Variants in NCOR2 observed in about 807,000 individuals in gnomAD.
NCOR2 encodes CTG repeat protein 26.
In NCOR2, 81 loss-of-function variants were observed where a neutral mutation model predicts 262.9. The observed-to-expected ratio is 0.31, with a 90% CI of 0.26 to 0.37. The LOEUF is 0.37. NCOR2 is among the 10% of genes least tolerant of loss of function. The pLI is 1.00. For missense variants in NCOR2, 3,385 were observed against 3,621.4 expected (o/e 0.93, Z 1.68); for synonymous variants, 1,659 against 1,559.3 (o/e 1.06, Z -1.51).
At chr12:124,382,486 C>T (rs1383007249) in intron 17 of NCOR2, among the ~76,000 whole-genome samples, 4 of 152,228 alleles carry the variant, frequency 2.6e-5, no homozygotes, top group African/African-American at 4.8e-5. Flanking sequence ...GAGTCTTCAG[C>T]GTCAGGGGAC....
In NCOR2 at chr12:124,345,745, G is replaced by A. The variant is rs2036869570; in HGVS notation, c.4360-794C>T. On this transcript the variant is annotated intron_variant, in intron 31 of 46. Coordinates refer to ENST00000405201, the Ensembl canonical transcript of NCOR2. The stretch of plus-strand genomic sequence containing the variant: ...CCAAACCCTTCCCCTGGCAATCAGG[G>A]ATCTTACTGCTTCTGCCTTCTCCCT... Among the ~76,000 whole-genome samples, 3 of 152,168 alleles carry A rather than the reference G, an allele frequency of 2.0e-5. No homozygotes were observed. In the South Asian group the frequency reaches 6.2e-4, roughly 32 times the overall value.
intron 1 of NCOR2, among the ~76,000 whole-genome samples, chr12:124,515,575 G>A (rs1252362208): frequency 3.9e-5 from 6 of 152,166 alleles, no homozygotes; most frequent in Non-Finnish European, 5.9e-5. Flanking sequence ...GAGTGTGTGT[G>A]TGCATGTGCG....
At chr12:124,363,467 G>A (rs1032028434) in intron 21 of NCOR2, among the ~76,000 whole-genome samples, 26 of 152,222 alleles carry the variant, frequency 1.7e-4, no homozygotes, top group Non-Finnish European at 3.1e-4. Context: ...GCCTTAGGCC[G>A]CCAGTTCCCG....
intron 11 of NCOR2, among the ~76,000 whole-genome samples, chr12:124,425,306 A>G (rs372169923): frequency 5.1e-4 from 77 of 152,248 alleles, no homozygotes; most frequent in African/African-American, 1.6e-3. Context: ...CCCGGGAGGC[A>G]GAGCTTGCAG....
At chr12:124,559,781 C>G (rs2052009388) in intron 1 of NCOR2, among the ~76,000 whole-genome samples, 1 of 152,208 alleles carries the variant, frequency 6.6e-6, no homozygotes, top group Non-Finnish European at 1.5e-5. Context: ...AGAAAGCAGG[C>G]TGCAAAATTT....
intron 13 of NCOR2, among the ~76,000 whole-genome samples, chr12:124,417,094 A>ATGGAGAGCAGGC (rs1565923831): frequency 7.1e-6 from 1 of 139,996 alleles, no homozygotes; most frequent in Non-Finnish European, 1.6e-5. Context: ...CAGTCACTCC[A>ATGGAGAGCAGGC]CGGAGAGCAG....
rs982028318 is a variant in NCOR2, at chr12:124,517,300, C to T, written c.-118+18265G>A. Among the ~76,000 whole-genome samples, 2 of 152,196 alleles carry T rather than the reference C, an allele frequency of 1.3e-5. No individual in the cohort carries two copies. The highest frequency in any genetic ancestry group is 2.1e-4 in the South Asian group (1 of 4,822). ...CTCAGAGGTCCCCAGGAGCCATTCC[C>T]GCCACCTCCCTATGGCCGCGGCGCA... On this transcript the variant is annotated intron_variant, in intron 1 of 46. Coordinates refer to the NCOR2 transcript ENST00000404621. The surrounding 1 kb of genome is among the most constrained non-coding windows in gnomAD (Gnocchi z 7.6).
At chr12:124,358,648 G>C (rs1021096057) in intron 22 of NCOR2, among the ~76,000 whole-genome samples, 3 of 152,206 alleles carry the variant, frequency 2.0e-5, no homozygotes, top group Admixed American at 2.0e-4. Context: ...GGGCTCATCT[G>C]AGTTCACCAG....
intron 45 of NCOR2, 48 bp downstream of exon 47, chr12:124,327,361 C>T: frequency 7.0e-7 from 1 of 1,432,498 alleles, no homozygotes; most frequent in Non-Finnish European, 9.5e-7. Flanking sequence ...GGATTAATCA[C>T]ACCGGGGGTG....
rs1298430501 is a variant in NCOR2, at chr12:124,443,435, A to G, written c.816-5439T>C. Among the ~76,000 whole-genome samples, 2 of 152,238 alleles carry G rather than the reference A, an allele frequency of 1.3e-5. No homozygotes were observed. The highest frequency in any genetic ancestry group is 4.8e-5 in the African/African-American group (2 of 41,464). On this transcript the variant is annotated intron_variant, in intron 7 of 46. Coordinates refer to ENST00000405201, the Ensembl canonical transcript of NCOR2. The surrounding 1 kb of genome is among the most constrained non-coding windows in gnomAD (Gnocchi z 4.4). ...CAAGTCCGCAGGGTGCAAACTGCACAGTGCACAGGCCAGAGACAGCCTCTG... is the reference window on the plus strand; with the variant it reads ...CAAGTCCGCAGGGTGCAAACTGCACGGTGCACAGGCCAGAGACAGCCTCTG...
chr12:124,534,759 T>C (rs1280077347), intron 1 of NCOR2, among the ~76,000 whole-genome samples: 3 of 152,174 alleles, frequency 2.0e-5, no homozygotes, highest in Non-Finnish European at 2.9e-5. Context: ...GGCTCTTTGC[T>C]TCCAGCTGAA....
At position 124,441,930 on chromosome 12, in the gene NCOR2, G is replaced by C. The variant is rs78316314; in HGVS notation, c.816-3934C>G. On this transcript the variant is annotated intron_variant, in intron 7 of 46. Coordinates refer to ENST00000405201, the Ensembl canonical transcript of NCOR2. ...AAGCCATGACCAGTGATCTTCAAAA[G>C]TGCTGGGGTGGTGAAAAACAAGGCA... 3.6e-3 allele frequency among the ~76,000 whole-genome samples: 545 copies of C among 152,312 alleles called. 1 individual carries two copies. The highest frequency in any genetic ancestry group is 0.012 in the African/African-American group (496 of 41,556).
rs766376384 is a variant in NCOR2, at chr12:124,346,593, G to A, written c.4330C>T (p.Arg1444Trp). 18 of 1,577,182 alleles carry A rather than the reference G, an allele frequency of 1.1e-5. No homozygotes were observed. In the South Asian group the frequency reaches 1.1e-4, roughly 10 times the overall value. Residue 1444 changes from arginine (R) to tryptophan (W), a missense_variant, in exon 31 of 47, where the codon CGG (arginine) becomes TGG (tryptophan). Physicochemically the swap from Arg to Trp is moderately radical, Grantham distance 101 (BLOSUM62 -3). Coordinates refer to ENST00000405201, the Ensembl canonical transcript of NCOR2. ...GTGATGGAGCCCTCCTTGAGCGGCC[G>A]CGGGGCCAGGGGCAGCTCGGGCGTG...
At chr12:124,414,351 G>C (rs1393222167) in intron 13 of NCOR2, among the ~76,000 whole-genome samples, 1 of 152,218 alleles carries the variant, frequency 6.6e-6, no homozygotes, top group East Asian at 1.9e-4. Flanking sequence ...CACAGTGTGT[G>C]GCGATAGTGC....
chr12:124,422,472 G>A (rs545497298), intron 12 of NCOR2, 29 bp downstream of exon 14: 18 of 1,613,504 alleles, frequency 1.1e-5, no homozygotes, highest in Admixed American at 1.0e-4. Context: ...GGTGGAGACC[G>A]AAGGGGTATG....
At chr12:124,505,099 G>A (rs756071059) in intron 1 of NCOR2, among the ~76,000 whole-genome samples, 1 of 152,098 alleles carries the variant, frequency 6.6e-6, no homozygotes, top group Non-Finnish European at 1.5e-5. Context: ...CTGGAAGTGG[G>A]CAGAGGCTAT....
chr12:124,465,137 A>G (rs2046356499), intron 5 of NCOR2, among the ~76,000 whole-genome samples: 1 of 151,496 alleles, frequency 6.6e-6, no homozygotes, highest in Non-Finnish European at 1.5e-5. Context: ...GGAAGATATT[A>G]CAGAAAAGGC....
intron 43 of NCOR2, chr12:124,331,759 T>A (rs1268724623): frequency 6.3e-6 from 1 of 159,162 alleles, no homozygotes; most frequent in African/African-American, 2.4e-5. Context: ...AGTGACTATC[T>A]GCAAGGTTTC....
At chr12:124,509,493 C>T (rs1371091276) in intron 1 of NCOR2, among the ~76,000 whole-genome samples, 2 of 152,190 alleles carry the variant, frequency 1.3e-5, no homozygotes, top group African/African-American at 4.8e-5. Flanking sequence ...TCCATTGCAA[C>T]CAAGAGACCT....
Sources: allele counts gnomAD v4.1 joint callset (sites outside exome capture counted in the v4.1 genomes callset), GRCh38; gene constraint gnomAD v4.1.1; non-coding constraint Gnocchi (gnomAD v3.1); transcripts MANE v1.5; gene names NCBI Gene and HGNC (gene_info 2026-07-23, HGNC 2026-07-21).